The following REC114 variants were observed in gnomAD, a reference collection of about 807,000 sequenced individuals.
REC114 encodes REC114 meiotic recombination protein, also known as meiotic recombination protein REC114.
A neutral mutation model predicts 31.3 loss-of-function variants in REC114; 27 were observed. The observed-to-expected ratio is 0.86, with a 90% CI of 0.64 to 1.19. The LOEUF (loss-of-function observed/expected upper bound fraction) is 1.19. Ranked by LOEUF, REC114 falls within the 50% of genes most tolerant of loss-of-function variation. The pLI is 0.00. For missense variants in REC114, 344 were observed against 326.9 expected (o/e 1.05, Z -0.40); for synonymous variants, 134 against 127.7 (o/e 1.05, Z -0.33).
At chr15:73,491,932 C>T (rs1356386375) in intron 2 of REC114, among the ~76,000 whole-genome samples, 5 of 151,850 alleles carry the variant, frequency 3.3e-5, no homozygotes, top group Non-Finnish European at 7.4e-5. Context: ...TACCATTTTG[C>T]TTTTCCACCA....
chr15:73,549,158 C>T (rs1464978712), intron 3 of REC114, among the ~76,000 whole-genome samples: 1 of 152,042 alleles, frequency 6.6e-6, no homozygotes, highest in African/African-American at 2.4e-5. Context: ...CACTTGGACC[C>T]TTGAACTTAG....
At chr15:73,448,931 CAGAA>C (rs1280055623) in intron 1 of REC114, among the ~76,000 whole-genome samples, 1 of 152,136 alleles carries the variant, frequency 6.6e-6, no homozygotes, top group Non-Finnish European at 1.5e-5. Context: ...AACAAACAAA[CAGAA>C]AGGAATAGTA....
chr15:73,500,930 C>CT (rs1468542981), intron 2 of REC114, among the ~76,000 whole-genome samples: 1 of 152,038 alleles, frequency 6.6e-6, no homozygotes, highest in Non-Finnish European at 1.5e-5. Context: ...GATGGGCCCA[C>CT]TTTGTGTCAG....
At chr15:73,547,383 G>A (rs780268364) in intron 3 of REC114, among the ~76,000 whole-genome samples, 3 of 152,104 alleles carry the variant, frequency 2.0e-5, no homozygotes, top group Admixed American at 6.5e-5. Context: ...TTATCCAAAA[G>A]CCAGGCAATA....
At position 73,470,463 on chromosome 15, in the gene REC114, A is replaced by T. The variant is rs1893118605; in HGVS notation, c.160-3369A>T. On this transcript the variant is annotated intron_variant, in intron 1 of 5. Coordinates refer to ENST00000331090, the MANE Select transcript of REC114 (RefSeq NM_001042367.2). Reference sequence around the variant, plus strand: ...TCTGCTGGTGATGAATTCTTTCTGAAGACATCTTTATTTCCTTTGAAAATT... The same window carrying T: ...TCTGCTGGTGATGAATTCTTTCTGATGACATCTTTATTTCCTTTGAAAATT... Among the ~76,000 whole-genome samples the T allele has an allele frequency of 1.3e-5, 2 of 152,300 alleles. 1 individual carries two copies. Among genetic ancestry groups the T allele is most frequent in the South Asian group, 4.1e-4 (2 of 4,826 alleles).
chr15:73,469,298 T>C (rs903916557), intron 1 of REC114, among the ~76,000 whole-genome samples: 1 of 152,238 alleles, frequency 6.6e-6, no homozygotes, highest in Non-Finnish European at 1.5e-5. Context: ...GAGGAATACA[T>C]GTTTGGGATG....
intron 2 of REC114, among the ~76,000 whole-genome samples, chr15:73,493,475 G>C (rs1289717534): frequency 6.6e-6 from 1 of 151,686 alleles, no homozygotes; most frequent in Non-Finnish European, 1.5e-5. Flanking sequence ...CTTTCATTTT[G>C]TTGCAGAATG....
chr15:73,451,004 A>ATAG (rs1487955701), intron 1 of REC114, among the ~76,000 whole-genome samples: 1 of 152,238 alleles, frequency 6.6e-6, no homozygotes, highest in Admixed American at 6.5e-5. Flanking sequence ...AGGGAAATTT[A>ATAG]TAGTACTAAA....
chr15:73,465,663 T>G (rs938196770), intron 1 of REC114, among the ~76,000 whole-genome samples: 13 of 152,294 alleles, frequency 8.5e-5, no homozygotes, highest in Admixed American at 7.8e-4. Context: ...TTTAACATCT[T>G]CTTCCCCTGA....
intron 2 of REC114, among the ~76,000 whole-genome samples, chr15:73,481,001 A>G (rs994140301): frequency 1.3e-5 from 2 of 152,220 alleles, no homozygotes; most frequent in African/African-American, 2.4e-5. Flanking sequence ...AGGTAGAGAC[A>G]GGACAGCCAT....
rs141088559 is a variant in REC114, at chr15:73,495,986, A to G, written c.249+22065A>G. ...CTTGAAACAAAGAAAGTGCAGTTCC[A>G]AAAGATGGGAAAGATGCTCTAGCAG... On this transcript the variant is annotated intron_variant, in intron 2 of 5. Coordinates refer to ENST00000331090, the MANE Select transcript of REC114 (RefSeq NM_001042367.2). 8.7e-3 allele frequency among the ~76,000 whole-genome samples: 1,319 copies of G among 152,308 alleles called. 23 individuals carry two copies. The highest frequency in any genetic ancestry group is 0.03 in the African/African-American group (1,230 of 41,566).
At chr15:73,450,765 C>T (rs1042562509) in intron 1 of REC114, among the ~76,000 whole-genome samples, 16 of 152,116 alleles carry the variant, frequency 1.1e-4, no homozygotes, top group East Asian at 3.8e-4. Flanking sequence ...TGCAAAAGAA[C>T]GGAAATCATA....
At chr15:73,510,919 C>G (rs1422542240) in intron 2 of REC114, among the ~76,000 whole-genome samples, 2 of 152,130 alleles carry the variant, frequency 1.3e-5, no homozygotes, top group South Asian at 2.1e-4. Context: ...TTGGTTGTGT[C>G]TCTGCCCGGC....
At chr15:73,509,144 G>C (rs1303403871) in intron 2 of REC114, among the ~76,000 whole-genome samples, 1 of 152,178 alleles carries the variant, frequency 6.6e-6, no homozygotes, top group Non-Finnish European at 1.5e-5. Flanking sequence ...ATTCTAACTG[G>C]TGTGAGATGG....
intron 3 of REC114, among the ~76,000 whole-genome samples, chr15:73,549,241 G>A (rs148664793): frequency 6.6e-6 from 1 of 152,130 alleles, no homozygotes; most frequent in Non-Finnish European, 1.5e-5. Context: ...GGGTCATTAC[G>A]TTAAGTGAAA....
chr15:73,489,140 T>G (rs1358099135), intron 2 of REC114, among the ~76,000 whole-genome samples: 2 of 151,746 alleles, frequency 1.3e-5, no homozygotes, highest in Non-Finnish European at 2.9e-5. Context: ...GAAAACTAAG[T>G]CTTCACATGG....
At chr15:73,451,258 A>C (rs958679416) in intron 1 of REC114, among the ~76,000 whole-genome samples, 1 of 152,224 alleles carries the variant, frequency 6.6e-6, no homozygotes, top group Admixed American at 6.5e-5. Context: ...AAGCAAAAGG[A>C]GTAGAATTAA....
rs1202201524 is a variant in REC114 at position 73,473,858 on chromosome 15, A to G, written c.186A>G (p.Gly62=). ...WKVFDSNEES[G]YLVLTIVISG... ...TTTTTGATTCCAATGAAGAATCTGGATATCTTGTTCTCACCATAGTTATAT... is the reference window on the plus strand; with the variant it reads ...TTTTTGATTCCAATGAAGAATCTGGGTATCTTGTTCTCACCATAGTTATAT... Residue 62 remains glycine, a synonymous_variant, in exon 2 of 6, where the codon GGA becomes GGG. Transcript: ENST00000331090. 2.5e-6 allele frequency: 4 copies of G among 1,582,650 alleles called. No homozygotes were observed. Among genetic ancestry groups the G allele is most frequent in the African/African-American group, 2.7e-5 (2 of 74,624 alleles).
chr15:73,443,797 C>A (rs907740151), intron 1 of REC114, among the ~76,000 whole-genome samples: 7 of 152,140 alleles, frequency 4.6e-5, no homozygotes, highest in East Asian at 1.9e-4. Context: ...AATTTGAATC[C>A]TCGCGTTGCC....
Sources: gnomAD v4.1 joint callset for allele counts (sites outside exome capture counted in the v4.1 genomes callset) on GRCh38, gnomAD v4.1.1 for gene constraint, MANE v1.5 for transcripts, NCBI Gene and HGNC (gene_info 2026-07-23, HGNC 2026-07-21) for gene names.